FANCA: variants seen among roughly 807,000 people sequenced by gnomAD.
FANCA encodes FA complementation group A.
Under a neutral mutation model 194.3 loss-of-function variants are expected in FANCA, and 236 were observed. The observed-to-expected ratio is 1.21, with a 90% CI of 1.09 to 1.35. The LOEUF (loss-of-function observed/expected upper bound fraction) is 1.35. Among genes scored for constraint, FANCA ranks in the 40% most tolerant of loss-of-function variants. The probability of loss-of-function intolerance (pLI) is 0.00; values close to 1 mark genes in which losing one functional copy is unlikely to be tolerated. For synonymous variants in FANCA, 1,014 were observed against 715.8 expected (o/e 1.42, Z -6.65); for missense variants, 2,628 against 1,813.9 (o/e 1.45, Z -8.15).
Position 89,738,446 on chromosome 16 carries a change from T to C in FANCA, c.*155A>G, listed in dbSNP as rs533812797. On this transcript the variant is annotated 3_prime_UTR_variant, in exon 43 of 43. Coordinates refer to ENST00000389301, the MANE Select transcript of FANCA (RefSeq NM_000135.4). ...TATTTTCCCGCAAACGCTGAGTGAC[T>C]CGGGGCCGGACAGTTCATAAATAAT... is the stretch of plus-strand genomic sequence containing the variant. 15 of 1,394,302 alleles carry C rather than the reference T, an allele frequency of 1.1e-5. No individual in the cohort carries two copies. The East Asian group carries it at 2.7e-4, about 25-fold the overall frequency. The allele number at this position is 1,394,302 out of a possible 1,614,324, so 86.4% of individuals were successfully genotyped here. A position where few individuals can be genotyped will look rare whatever the true frequency, so the allele number is the denominator to read the frequency against.
At chr16:89,744,189 C>CG (rs2062194567) in intron 36 of FANCA, among the ~76,000 whole-genome samples, 1 of 152,218 alleles carries the variant, frequency 6.6e-6, no homozygotes, top group South Asian at 2.1e-4. Flanking sequence ...GCCACCGCGC[C>CG]GGGGCCCTCT....
chr16:89,760,697 G>C (rs992454585), intron 29 of FANCA, among the ~76,000 whole-genome samples: 1 of 152,092 alleles, frequency 6.6e-6, no homozygotes, highest in Admixed American at 6.6e-5. Flanking sequence ...TGGGACTCAT[G>C]GGGGTTCACT....
At chr16:89,767,647 C>G (rs1316340519) in intron 26 of FANCA, among the ~76,000 whole-genome samples, 1 of 152,198 alleles carries the variant, frequency 6.6e-6, no homozygotes, top group African/African-American at 2.4e-5. Context: ...CTCCCAGGTT[C>G]AAGCAATTCT....
Position 89,737,950 on chromosome 16 carries a change from C to T in FANCA, c.*651G>A, listed in dbSNP as rs1555532198. ...CCCTCCCAGGGCTGTGGCCCTCGCA[C>T]CTTCTTATCTGCCTCTGTCCCCCAG... On this transcript the variant is annotated 3_prime_UTR_variant, in exon 43 of 43. Transcript: ENST00000389301. The T allele has an allele frequency of 5.6e-6, 9 of 1,614,144 alleles. No individual in the cohort carries two copies. In the South Asian group the frequency reaches 8.8e-5, roughly 16 times the overall value.
At chr16:89,775,284 C>A (rs150217842) in intron 21 of FANCA, among the ~76,000 whole-genome samples, 3 of 152,168 alleles carry the variant, frequency 2.0e-5, no homozygotes, top group African/African-American at 7.2e-5. Flanking sequence ...TAGGTCTGAC[C>A]GACAGCTGCA....
At chr16:89,779,740 C>A (rs763804341) in intron 18 of FANCA, 129 bp downstream of exon 18, 20 of 799,636 alleles carry the variant, frequency 2.5e-5, no homozygotes, top group Admixed American at 7.9e-5. Context: ...GCCCCAGACG[C>A]TGGCAGGCAT....
intron 28 of FANCA, 136 bp downstream of exon 28, chr16:89,764,754 C>G (rs1368458444): frequency 9.3e-7 from 1 of 1,079,072 alleles, no homozygotes. Context: ...TCGGCACACA[C>G]ACACCCTAGA....
intron 4 of FANCA, 26 bp downstream of exon 4, chr16:89,810,903 T>C: frequency 6.2e-7 from 1 of 1,614,126 alleles, no homozygotes. Context: ...AACGGGCAGG[T>C]TTCCTCATCT....
chr16:89,779,799 T>C (rs1200506746), intron 18 of FANCA, 70 bp downstream of exon 18: 30 of 1,262,092 alleles, frequency 2.4e-5, no homozygotes, highest in Admixed American at 2.0e-4. Flanking sequence ...AGTCTGCACA[T>C]ACTGCAGGCA....
intron 26 of FANCA, among the ~76,000 whole-genome samples, chr16:89,767,816 G>A (rs999812541): frequency 3.3e-5 from 5 of 152,148 alleles, no homozygotes; most frequent in African/African-American, 1.2e-4. Context: ...CCAAAATGCT[G>A]GGCTTACAGG....
chr16:89,762,947 GAA>G (rs61684026), intron 28 of FANCA, among the ~76,000 whole-genome samples: 1,280 of 117,630 alleles, frequency 0.011, 13 homozygotes, highest in Middle Eastern at 0.057. Context: ...CTAAAAATAC[GAA>G]AAAAAAAAAA....
intron 5 of FANCA, 98 bp from the exon 6 acceptor site, chr16:89,808,465 G>C (rs973397280): frequency 6.7e-5 from 84 of 1,262,508 alleles, no homozygotes; most frequent in Non-Finnish European, 8.9e-5. Flanking sequence ...GTTCAACTTA[G>C]GTTCTTAACC....
chr16:89,738,313 T>C lies in FANCA; in HGVS notation c.*288A>G. 1 of 1,524,226 alleles carries C rather than the reference T, an allele frequency of 6.6e-7. No homozygotes were observed. The highest frequency in any genetic ancestry group is 8.8e-7 in the Non-Finnish European group (1 of 1,136,808). 94.4% of individuals were successfully genotyped at this position (1,524,226 alleles called of 1,614,324 possible). ...GCAGTGGCTGTGTCAGCCTCACCCT[T>C]CGTGTGCACCCGCATGGGAGGGTCG... On this transcript the variant is annotated 3_prime_UTR_variant, in exon 43 of 43. Coordinates refer to ENST00000389301, the MANE Select transcript of FANCA (RefSeq NM_000135.4).
chr16:89,738,620 T>C lies in FANCA; in HGVS notation c.4349A>G (p.Gln1450Arg), dbSNP rs757549007. 2 of 1,613,590 alleles carry C rather than the reference T, an allele frequency of 1.2e-6. No homozygotes were observed. The highest frequency in any genetic ancestry group is 2.2e-5 in the South Asian group (2 of 91,062). ...GTCCCGTCAGAAGAGATGAGGCTCC[T>C]GGGACAGGTCAGCGTCAGGGGCAGC... ...QQAAPDADLS[Q>R]EPHLF is the part of the protein sequence containing the mutation. Residue 1450 changes from glutamine (Q) to arginine (R), a missense_variant, in exon 43 of 43, where the codon CAG (glutamine) becomes CGG (arginine). By Grantham distance (43) the Gln-to-Arg change is conservative. Transcript: ENST00000389301.
At chr16:89,767,760 G>C (rs1482369668) in intron 26 of FANCA, among the ~76,000 whole-genome samples, 1 of 152,160 alleles carries the variant, frequency 6.6e-6, no homozygotes, top group African/African-American at 2.4e-5. Context: ...GTGTTAGCGA[G>C]GATGGTCTCG....
In FANCA at chr16:89,810,769, A is replaced by T; in HGVS notation, c.460T>A (p.Tyr154Asn). Residue 154 changes from tyrosine (Y) to asparagine (N), a missense_variant, in exon 5 of 43, where the codon TAT becomes AAT. Physicochemically the swap from Tyr to Asn is moderately radical, Grantham distance 143 (BLOSUM62 -2). Transcript: ENST00000389301. ...GAGAACATACTGTGTGCCAATAAAT[A>T]CTGAGCAAACTCTAACAGGGAAGAC... The part of the protein sequence containing the change: ...KLSSLLEFAQ[Y>N]LLAHSMFSRL... 1 of 1,613,736 alleles carries T rather than the reference A, an allele frequency of 6.2e-7. No individual in the cohort carries two copies. The highest frequency in any genetic ancestry group is 1.1e-5 in the South Asian group (1 of 91,082).
intron 11 of FANCA, among the ~76,000 whole-genome samples, chr16:89,795,420 G>A (rs1368273403): frequency 4.0e-5 from 6 of 150,924 alleles, no homozygotes; most frequent in East Asian, 3.9e-4. Context: ...GTGGAGCACC[G>A]AAGGTCAGGA....
At chr16:89,783,621 A>C (rs2239362) in intron 15 of FANCA, among the ~76,000 whole-genome samples, 2 of 151,890 alleles carry the variant, frequency 1.3e-5, no homozygotes, top group Non-Finnish European at 2.9e-5. Flanking sequence ...AAGAAACCCT[A>C]ATGTAGCTGG....
intron 18 of FANCA, among the ~76,000 whole-genome samples, chr16:89,779,561 T>C (rs1173562457): frequency 6.6e-6 from 1 of 152,104 alleles, no homozygotes; most frequent in Non-Finnish European, 1.5e-5. Flanking sequence ...ATCACCTGCT[T>C]TTACAGAGGA....
Sources: gnomAD v4.1 joint callset for allele counts (sites outside exome capture counted in the v4.1 genomes callset) on GRCh38, gnomAD v4.1.1 for gene constraint, MANE v1.5 for transcripts, NCBI Gene and HGNC (gene_info 2026-07-23, HGNC 2026-07-21) for gene names.